The following CNTRL variants were observed in gnomAD, a reference collection of about 807,000 sequenced individuals.
The protein encoded by CNTRL is centriolin, also known as 110 kDa centrosomal protein.
CNTRL carries 233 observed loss-of-function variants against 303.7 expected under a neutral mutation model. The observed-to-expected ratio is 0.77, with a 90% confidence interval of 0.69 to 0.86. The LOEUF is 0.86. Ranked by LOEUF, CNTRL falls within the 40% of genes least tolerant of loss-of-function variation. The pLI, the probability that CNTRL is intolerant of heterozygous loss-of-function variation, is 0.00. For missense variants in CNTRL, 2,524 were observed against 2,650.6 expected, an observed-to-expected ratio of 0.95 and a Z score of 1.05; for synonymous variants, 900 against 922.2, an observed-to-expected ratio of 0.98 and a Z score of 0.44.
chr9:121,115,077 T>G lies in CNTRL; in HGVS notation c.1346-14T>G, dbSNP rs1212250537. On this transcript the variant is annotated splice_polypyrimidine_tract_variant and intron_variant, in intron 10 of 43. Transcript: ENST00000373855. ...TTGTTTCATATTATGTGAGCATGGT[T>G]TTTAAATTTGCAGCACAAACTCGAC... 3 of 1,526,926 alleles carry G rather than the reference T, an allele frequency of 2.0e-6. No homozygotes were observed. The African/African-American group carries it at 4.2e-5, about 21-fold the overall frequency. The allele number at this position is 1,526,926 out of a possible 1,614,324, so 94.6% of individuals were successfully genotyped here.
At chr9:121,154,171 C>T (rs565095834) in intron 26 of CNTRL, among the ~76,000 whole-genome samples, 1 of 152,290 alleles carries the variant, frequency 6.6e-6, no homozygotes, top group South Asian at 2.1e-4. Context: ...ATTTTTCTGT[C>T]ATGCAGTCAT....
At chr9:121,105,894 TGTA>T (rs749243353) in intron 7 of CNTRL, among the ~76,000 whole-genome samples, 10 of 152,156 alleles carry the variant, frequency 6.6e-5, no homozygotes, top group African/African-American at 1.9e-4. Flanking sequence ...TAATGTCTCT[TGTA>T]GTACTTAATA....
At chr9:121,141,703 A>C in intron 18 of CNTRL, 115 bp downstream of exon 18, 1 of 1,014,202 alleles carries the variant, frequency 9.9e-7, no homozygotes, top group Admixed American at 2.3e-5. Context: ...TGTTATTTTC[A>C]CTTATAACAA....
rs777271960 is a variant in CNTRL at position 121,160,278 on chromosome 9, A to G, written c.5065A>G (p.Arg1689Gly). ...KEEENLQVVL[R>G]QMSKHKTELK... is the part of the protein sequence containing the mutation. Reference sequence around the variant, plus strand: ...GGAAGAAAATCTTCAGGTTGTTTTAAGGCAGATGTCTAAACATAAAACCGG... The same window carrying G: ...GGAAGAAAATCTTCAGGTTGTTTTAGGGCAGATGTCTAAACATAAAACCGG... Residue 1689 changes from arginine (R) to glycine (G), a missense_variant, in exon 32 of 44, where the codon AGG becomes GGG. Arg to Gly is a moderately radical substitution (Grantham distance 125, BLOSUM62 -2). Transcript: ENST00000373855. 1.3e-6 allele frequency: 2 copies of G among 1,542,086 alleles called. No homozygotes were observed. The highest frequency in any genetic ancestry group is 1.7e-6 in the Non-Finnish European group (2 of 1,152,788).
At chr9:121,122,736 A>T (rs1271580277) in intron 12 of CNTRL, among the ~76,000 whole-genome samples, 1 of 152,180 alleles carries the variant, frequency 6.6e-6, no homozygotes, top group African/African-American at 2.4e-5. Context: ...AGACTAGATC[A>T]TTGGCTCTCG....
At chr9:121,113,185 C>G (rs995966556) in intron 9 of CNTRL, among the ~76,000 whole-genome samples, 3 of 152,006 alleles carry the variant, frequency 2.0e-5, no homozygotes, top group African/African-American at 7.3e-5. Flanking sequence ...ATAAAACACC[C>G]ATATTTCTAA....
chr9:121,154,934 G>A, intron 27 of CNTRL, 21 bp downstream of exon 27: 1 of 1,608,916 alleles, frequency 6.2e-7, no homozygotes, highest in South Asian at 1.1e-5. Flanking sequence ...TTGTGGTTTG[G>A]GGTGTGAGCT....
rs528968098 is a variant in CNTRL, at chr9:121,150,738, C to T, written c.3963+255C>T. 6.0e-4 allele frequency: 254 copies of T among 419,938 alleles called. 2 individuals carry two copies. Among genetic ancestry groups the T allele is most frequent in the African/African-American group, 4.5e-3 (220 of 49,354 alleles). The allele number at this position is 419,938 out of a possible 1,614,324, so 26.0% of individuals were successfully genotyped here. Reference sequence around the variant, plus strand: ...GAGCCTAGGAATTCAAGGCCAGCCCCGGTAACAGCAAAAAACAAAAACCAA... The same window carrying T: ...GAGCCTAGGAATTCAAGGCCAGCCCTGGTAACAGCAAAAAACAAAAACCAA... On this transcript the variant is annotated intron_variant, in intron 25 of 43. Coordinates refer to ENST00000373855, the MANE Select transcript of CNTRL (RefSeq NM_007018.6).
chr9:121,089,449 T>TA, intron 3 of CNTRL, among the ~76,000 whole-genome samples: 1 of 152,300 alleles, frequency 6.6e-6, no homozygotes, highest in East Asian at 1.9e-4. Context: ...GCTACTTTTG[T>TA]AAAATGTAAT....
At chr9:121,143,761 T>C (rs1339985836) in intron 19 of CNTRL, 142 bp from the exon 20 acceptor site, 5 of 531,584 alleles carry the variant, frequency 9.4e-6, no homozygotes, top group African/African-American at 1.9e-5. Flanking sequence ...TATTTATTCA[T>C]TGGATATATG....
chr9:121,109,951 C>G (rs2049673343), intron 8 of CNTRL, among the ~76,000 whole-genome samples: 1 of 151,988 alleles, frequency 6.6e-6, no homozygotes, highest in African/African-American at 2.4e-5. Context: ...CTATTAGATG[C>G]CTAAAATAAT....
chr9:121,167,382 C>T, intron 36 of CNTRL, 107 bp from the exon 37 acceptor site: 1 of 842,748 alleles, frequency 1.2e-6, no homozygotes, highest in South Asian at 2.0e-5. Flanking sequence ...AGGAAATAAA[C>T]TTTTATGCCT....
chr9:121,123,842 A>G (rs1588166447), intron 12 of CNTRL, 89 bp from the exon 13 acceptor site: 1 of 957,678 alleles, frequency 1.0e-6, no homozygotes, highest in East Asian at 3.0e-5. Flanking sequence ...TTTATTTTCT[A>G]TTCTTCCTTT....
chr9:121,095,267 A>G (rs1289566094), intron 5 of CNTRL, among the ~76,000 whole-genome samples: 2 of 152,152 alleles, frequency 1.3e-5, no homozygotes, highest in Admixed American at 1.3e-4. Flanking sequence ...ACCAAATTGT[A>G]TCTTAATTTC....
intron 7 of CNTRL, among the ~76,000 whole-genome samples, chr9:121,099,490 C>T (rs568665163): frequency 3.3e-5 from 5 of 152,154 alleles, no homozygotes; most frequent in South Asian, 2.1e-4. Context: ...AAAATCAGAG[C>T]GCCTGTTCTC....
At chr9:121,121,315 G>C (rs2050214433) in intron 12 of CNTRL, among the ~76,000 whole-genome samples, 1 of 152,124 alleles carries the variant, frequency 6.6e-6, no homozygotes, top group Non-Finnish European at 1.5e-5. Context: ...ATGTGATATA[G>C]AAATATTAAG....
chr9:121,078,212 G>C (rs2048003339), intron 1 of CNTRL, among the ~76,000 whole-genome samples: 1 of 152,068 alleles, frequency 6.6e-6, no homozygotes, highest in Non-Finnish European at 1.5e-5. Context: ...TTTGAGACCA[G>C]CCTGGCCAGC....
At chr9:121,110,561 C>G (rs2049701586) in intron 8 of CNTRL, among the ~76,000 whole-genome samples, 1 of 152,058 alleles carries the variant, frequency 6.6e-6, no homozygotes, top group Admixed American at 6.6e-5. Context: ...ATTCTTTATT[C>G]TTCCTTAAAG....
intron 34 of CNTRL, among the ~76,000 whole-genome samples, chr9:121,163,732 G>A (rs983334589): frequency 7.2e-5 from 11 of 152,044 alleles, no homozygotes; most frequent in Non-Finnish European, 1.5e-5. Context: ...AAGATAAATG[G>A]ATGGCAAATA....
Sources: gnomAD v4.1 joint callset for allele counts (sites outside exome capture counted in the v4.1 genomes callset) on GRCh38, gnomAD v4.1.1 for gene constraint, MANE v1.5 for transcripts, NCBI Gene and HGNC (gene_info 2026-07-23, HGNC 2026-07-21) for gene names.